Variants in TOX observed in about 807,000 individuals in gnomAD.
The protein encoded by TOX is thymocyte selection associated high mobility group box.
A neutral mutation model predicts 53.7 loss-of-function variants in TOX; 11 were observed. The observed-to-expected ratio is 0.20, with a 90% CI of 0.13 to 0.34. The LOEUF (loss-of-function observed/expected upper bound fraction) is 0.34, where lower values mean the gene tolerates loss of function less well. TOX is among the 10% of genes least tolerant of loss of function. The pLI, the probability that TOX is intolerant of heterozygous loss-of-function variation, is 1.00. For missense variants in TOX, 570 were observed against 664.6 expected (o/e 0.86, Z 1.56); for synonymous variants, 225 against 245.3 (o/e 0.92, Z 0.77).
Position 59,014,189 on chromosome 8 carries a change from T to G in TOX, c.103-54181A>C, listed in dbSNP as rs57665801. Among the ~76,000 whole-genome samples, 279 of 152,332 alleles carry G rather than the reference T, an allele frequency of 1.8e-3. 2 individuals carry two copies. The highest frequency in any genetic ancestry group is 0.015 in the East Asian group (76 of 5,190). Reference sequence around the variant, plus strand: ...TATTGAAAACAAGACTTTTGTACCATGGTGAAGTTGACAATATGCTATTAT... The same window carrying G: ...TATTGAAAACAAGACTTTTGTACCAGGGTGAAGTTGACAATATGCTATTAT... On this transcript the variant is annotated intron_variant, in intron 1 of 8. Coordinates refer to ENST00000361421, the MANE Select transcript of TOX (RefSeq NM_014729.3).
chr8:58,868,057 T>C (rs547921324), intron 3 of TOX, among the ~76,000 whole-genome samples: 47 of 152,290 alleles, frequency 3.1e-4, no homozygotes, highest in African/African-American at 9.6e-4. Flanking sequence ...TGGGATATAA[T>C]TGAATCATGC....
chr8:58,807,644 T>C lies in TOX; in HGVS notation c.*103A>G. ...AAATGGTCCTAAGTGCTTAGCAACT[T>C]GTATTTTCTAATAAAATGGAGAACT... On this transcript the variant is annotated 3_prime_UTR_variant, in exon 9 of 9. Coordinates refer to ENST00000361421, the MANE Select transcript of TOX (RefSeq NM_014729.3). 2 of 1,385,498 alleles carry C rather than the reference T, an allele frequency of 1.4e-6. No individual in the cohort carries two copies. Among genetic ancestry groups the C allele is most frequent in the Non-Finnish European group, 2.0e-6 (2 of 986,246 alleles). The allele number at this position is 1,385,498 out of a possible 1,614,324, so 85.8% of individuals were successfully genotyped here.
intron 1 of TOX, among the ~76,000 whole-genome samples, chr8:58,969,022 T>C (rs1166790777): frequency 6.6e-6 from 1 of 152,202 alleles, no homozygotes; most frequent in Non-Finnish European, 1.5e-5. Flanking sequence ...GTACAGGTTA[T>C]TAAGATGGAG....
At chr8:58,855,549 C>G (rs1424417478) in intron 3 of TOX, among the ~76,000 whole-genome samples, 1 of 152,136 alleles carries the variant, frequency 6.6e-6, no homozygotes, top group Admixed American at 6.5e-5. Flanking sequence ...CCCTTCCACC[C>G]GTTTCCACAC....
chr8:59,066,849 C>T (rs191338622), intron 1 of TOX, among the ~76,000 whole-genome samples: 5 of 152,314 alleles, frequency 3.3e-5, no homozygotes, highest in Non-Finnish European at 2.9e-5. Context: ...GAGGGTCAAA[C>T]TCATTATGAC....
chr8:58,876,022 A>G (rs1384137731), intron 3 of TOX, among the ~76,000 whole-genome samples: 1 of 152,230 alleles, frequency 6.6e-6, no homozygotes, highest in Non-Finnish European at 1.5e-5. Context: ...TACTTAACTT[A>G]GAATATTTAA....
intron 1 of TOX, among the ~76,000 whole-genome samples, chr8:59,075,130 C>A (rs986698849): frequency 2.0e-5 from 3 of 152,104 alleles, no homozygotes; most frequent in African/African-American, 7.2e-5. Flanking sequence ...AGATTTTTAA[C>A]CCTCAAGGAT....
At chr8:58,858,059 T>G (rs1333764832) in intron 3 of TOX, among the ~76,000 whole-genome samples, 1 of 152,178 alleles carries the variant, frequency 6.6e-6, no homozygotes, top group Non-Finnish European at 1.5e-5. Flanking sequence ...CGTGAGCCAC[T>G]GTGACTGGCT....
chr8:58,908,427 G>A lies in TOX; in HGVS notation c.411+30875C>T, dbSNP rs186241059. Among the ~76,000 whole-genome samples, 107 of 152,252 alleles carry A rather than the reference G, an allele frequency of 7.0e-4. 1 individual carries two copies. The highest frequency in any genetic ancestry group is 3.6e-3 in the Admixed American group (55 of 15,294). ...TCCCAAACCTGCTGTTCTTACCTCT[G>A]TGCCTTTTTCCAGCCACGCTGTTCC... On this transcript the variant is annotated intron_variant, in intron 3 of 8. Coordinates refer to ENST00000361421, the MANE Select transcript of TOX (RefSeq NM_014729.3).
At chr8:59,056,465 A>G (rs1361541696) in intron 1 of TOX, among the ~76,000 whole-genome samples, 1 of 150,850 alleles carries the variant, frequency 6.6e-6, no homozygotes, top group African/African-American at 2.4e-5. Flanking sequence ...AAAGAAGGAA[A>G]AGAAAAGAAA....
chr8:58,824,784 T>A (rs1810338946), intron 6 of TOX, among the ~76,000 whole-genome samples: 1 of 152,206 alleles, frequency 6.6e-6, no homozygotes, highest in Non-Finnish European at 1.5e-5. Context: ...GATTTCCCTG[T>A]TCTCCACAGC....
chr8:59,068,897 G>C (rs1804142947), intron 1 of TOX, among the ~76,000 whole-genome samples: 1 of 152,182 alleles, frequency 6.6e-6, no homozygotes, highest in Non-Finnish European at 1.5e-5. Context: ...TGCAGGAAGG[G>C]CTTCCTAAAA....
intron 1 of TOX, among the ~76,000 whole-genome samples, chr8:59,064,031 G>C (rs943568861): frequency 1.3e-5 from 2 of 152,020 alleles, no homozygotes; most frequent in African/African-American, 4.8e-5. Context: ...AATGACATAG[G>C]TTTAAAGTCC....
At chr8:59,005,987 G>C (rs1813784624) in intron 1 of TOX, among the ~76,000 whole-genome samples, 1 of 152,212 alleles carries the variant, frequency 6.6e-6, no homozygotes, top group Non-Finnish European at 1.5e-5. Context: ...CTTGGCTGCT[G>C]TCCATGCCTC....
intron 1 of TOX, among the ~76,000 whole-genome samples, chr8:59,052,395 G>C (rs1286609412): frequency 6.6e-6 from 1 of 152,154 alleles, no homozygotes; most frequent in Non-Finnish European, 1.5e-5. Flanking sequence ...AATGTCACGT[G>C]TCATGTGGAA....
intron 1 of TOX, chr8:58,991,611 T>C (rs1421503096): frequency 6.6e-6 from 1 of 152,172 alleles, no homozygotes; most frequent in Non-Finnish European, 1.5e-5. Flanking sequence ...TCAACACCAC[T>C]CAGACTGAAA....
intron 1 of TOX, among the ~76,000 whole-genome samples, chr8:59,050,711 C>T (rs1301073346): frequency 6.6e-6 from 1 of 152,136 alleles, no homozygotes; most frequent in African/African-American, 2.4e-5. Flanking sequence ...CTCACATTTG[C>T]ATCACCTAAC....
chr8:59,115,875 T>G (rs113863279), intron 1 of TOX, among the ~76,000 whole-genome samples: 103 of 152,198 alleles, frequency 6.8e-4, no homozygotes, highest in Middle Eastern at 3.4e-3. Context: ...TGTATTAGTC[T>G]TACAGTAGAG....
intron 1 of TOX, among the ~76,000 whole-genome samples, chr8:59,082,431 G>C (rs1328448480): frequency 6.6e-6 from 1 of 152,252 alleles, no homozygotes; most frequent in Non-Finnish European, 1.5e-5. Flanking sequence ...CTAGTAGTTT[G>C]CTTGCAAACA....
Sources: allele counts gnomAD v4.1 joint callset (sites outside exome capture counted in the v4.1 genomes callset), GRCh38; gene constraint gnomAD v4.1.1; transcripts MANE v1.5; gene names NCBI Gene and HGNC (gene_info 2026-07-23, HGNC 2026-07-21).